ZZEF1: variants seen among roughly 807,000 people sequenced by gnomAD.
ZZEF1 encodes zinc finger ZZ-type and EF-hand domain containing 1, also known as zinc finger ZZ-type and EF-hand domain-containing protein 1.
ZZEF1 carries 157 observed loss-of-function variants against 342.8 expected under a neutral mutation model. The observed-to-expected ratio is 0.46, with a 90% CI of 0.40 to 0.52. ZZEF1 has a LOEUF of 0.52. ZZEF1 is among the 20% of genes least tolerant of loss of function. The pLI is 0.00. For missense variants in ZZEF1, 3,480 were observed against 3,725.6 expected (o/e 0.93, Z 1.72); for synonymous variants, 1,505 against 1,429.1 (o/e 1.05, Z -1.20).
At chr17:4,102,445 A>C in intron 8 of ZZEF1, 30 bp from the exon 9 acceptor site, 1 of 1,592,410 alleles carries the variant, frequency 6.3e-7, no homozygotes, top group Non-Finnish European at 8.6e-7. Context: ...ACCAAGCTGT[A>C]AGCTAAAATA....
At chr17:4,043,909 G>C (rs572114365) in intron 38 of ZZEF1, among the ~76,000 whole-genome samples, 2 of 152,326 alleles carry the variant, frequency 1.3e-5, no homozygotes, top group East Asian at 3.9e-4. Context: ...AGCCCTCCTA[G>C]ACTGTGAGCT....
chr17:4,045,172 T>C (rs1313871154), intron 37 of ZZEF1, among the ~76,000 whole-genome samples: 2 of 151,646 alleles, frequency 1.3e-5, no homozygotes, highest in African/African-American at 4.8e-5. Context: ...AATAAGATAG[T>C]AACCATTGCA....
Position 4,021,217 on chromosome 17 carries a change from T to C in ZZEF1, c.7316A>G (p.Glu2439Gly), listed in dbSNP as rs2056260442. 4 of 1,614,184 alleles carry C rather than the reference T, an allele frequency of 2.5e-6. No homozygotes were observed. The highest frequency in any genetic ancestry group is 3.4e-6 in the Non-Finnish European group (4 of 1,180,038). The part of the protein sequence containing the change: ...DERGDREEEV[E>G]RPVSSPGDPE... ...GTCGCCAGGGCTGCTGACTGGCCGT[T>C]CCACCTCTTCCTCTCGGTCCCCTCG... The change falls in exon 45 of 55, where the codon GAA becomes GGA. Residue 2439 changes from glutamate to glycine, a missense_variant. Glu to Gly is a moderately conservative substitution (Grantham distance 98). Coordinates refer to ENST00000381638, the MANE Select transcript of ZZEF1 (RefSeq NM_015113.4).
At chr17:4,066,133 C>T (rs1317664765) in intron 28 of ZZEF1, among the ~76,000 whole-genome samples, 2 of 152,084 alleles carry the variant, frequency 1.3e-5, no homozygotes, top group Non-Finnish European at 2.9e-5. Context: ...TGAACCACTG[C>T]ACTCCAGCCT....
chr17:4,107,498 C>A (rs2145463775), intron 6 of ZZEF1, among the ~76,000 whole-genome samples: 1 of 152,158 alleles, frequency 6.6e-6, no homozygotes, highest in East Asian at 1.9e-4. Context: ...GGAATGCAGG[C>A]ACCAAGTGAG....
intron 39 of ZZEF1, 42 bp downstream of exon 39, chr17:4,042,387 T>G: frequency 1.3e-6 from 2 of 1,588,020 alleles, no homozygotes; most frequent in East Asian, 2.2e-5. Context: ...CCTTCTTCTA[T>G]GCATACCACC....
chr17:4,112,502 C>T (rs971338202), intron 5 of ZZEF1, 107 bp downstream of exon 5: 19 of 1,098,140 alleles, frequency 1.7e-5, no homozygotes, highest in Non-Finnish European at 2.4e-5. Flanking sequence ...CTTTTGTGTA[C>T]GTCCTAAGAA....
chr17:4,034,740 T>C (rs1012576272), intron 39 of ZZEF1, among the ~76,000 whole-genome samples: 15 of 152,216 alleles, frequency 9.9e-5, no homozygotes, highest in Non-Finnish European at 1.8e-4. Flanking sequence ...CTCACACCTG[T>C]AATCCCAGCA....
intron 39 of ZZEF1, among the ~76,000 whole-genome samples, chr17:4,041,064 G>A (rs902851023): frequency 1.3e-5 from 2 of 152,196 alleles, no homozygotes; most frequent in Non-Finnish European, 2.9e-5. Context: ...GCCTCCAAAG[G>A]TTGGGGAGGG....
intron 16 of ZZEF1, 122 bp downstream of exon 16, chr17:4,085,548 C>T (rs2057802590): frequency 1.6e-6 from 2 of 1,225,054 alleles, no homozygotes; most frequent in Admixed American, 2.3e-5. Context: ...CAAAGCTCTG[C>T]ATATAATATT....
chr17:4,131,895 C>T (rs1014464779), intron 1 of ZZEF1, among the ~76,000 whole-genome samples: 4 of 151,962 alleles, frequency 2.6e-5, no homozygotes, highest in Non-Finnish European at 5.9e-5. Flanking sequence ...AGAATTGTAG[C>T]GGGAGGACAG....
In ZZEF1 at chr17:4,111,760, TTA is replaced by T. The variant is rs3050967; in HGVS notation, c.1066+847_1066+848del. Among the ~76,000 whole-genome samples the T allele has an allele frequency of 1.9e-3, 274 of 142,728 alleles. 1 individual carries two copies. Among genetic ancestry groups the T allele is most frequent in the African/African-American group, 6.3e-3 (247 of 39,138 alleles). 93.6% of individuals were successfully genotyped at this position (142,728 alleles called of 152,430 possible). A position where few individuals can be genotyped will look rare whatever the true frequency, so the allele number is the denominator to read the frequency against. Reference sequence around the variant, plus strand: ...ATAAAAACATATTTTATATATATGTTTATATATATATATATATTTATAATCCC... The same window carrying T: ...ATAAAAACATATTTTATATATATGTTTATATATATATATATTTATAATCCC... On this transcript the variant is annotated intron_variant, in intron 5 of 54. Coordinates refer to ENST00000381638, the MANE Select transcript of ZZEF1 (RefSeq NM_015113.4).
chr17:4,074,335 G>C lies in ZZEF1; in HGVS notation c.3500C>G (p.Ala1167Gly). The part of the protein sequence containing the change: ...DKWPKKVTFK[A>G]GPRLQFLFHS... ...AAAGAGGAACTGCAACCGAGGACCGGCCTTGAAGGTCACTTTCTAGAGACA... is the reference window on the plus strand; with the variant it reads ...AAAGAGGAACTGCAACCGAGGACCGCCCTTGAAGGTCACTTTCTAGAGACA... The change falls in exon 24 of 55, where the codon GCC becomes GGC. Residue 1167 changes from alanine to glycine, a missense_variant. By Grantham distance (60) the Ala-to-Gly change is moderately conservative (BLOSUM62 0). Transcript: ENST00000381638. 4 of 1,614,162 alleles carry C rather than the reference G, an allele frequency of 2.5e-6. No individual in the cohort carries two copies. The highest frequency in any genetic ancestry group is 3.4e-6 in the Non-Finnish European group (4 of 1,180,042).
chr17:4,078,437 T>C (rs1373393424), intron 18 of ZZEF1, among the ~76,000 whole-genome samples: 3 of 152,242 alleles, frequency 2.0e-5, no homozygotes, highest in African/African-American at 4.8e-5. Flanking sequence ...CCATCACCTT[T>C]GTTCTCAAAA....
At chr17:4,098,108 C>G (rs1173438853) in intron 9 of ZZEF1, among the ~76,000 whole-genome samples, 1 of 151,696 alleles carries the variant, frequency 6.6e-6, no homozygotes, top group Admixed American at 6.6e-5. Flanking sequence ...CGTGGTGGCA[C>G]ACACCTGTAA....
intron 9 of ZZEF1, 83 bp downstream of exon 9, chr17:4,102,234 A>G: frequency 7.8e-7 from 1 of 1,275,014 alleles, no homozygotes; most frequent in African/African-American, 1.5e-5. Context: ...CACGCCTCAA[A>G]CATTTCAAAG....
intron 10 of ZZEF1, 85 bp from the exon 11 acceptor site, chr17:4,096,064 G>A (rs1315776383): frequency 4.2e-6 from 6 of 1,412,624 alleles, no homozygotes; most frequent in Non-Finnish European, 5.7e-6. Flanking sequence ...AATTCAAACA[G>A]GTTAAAACAA....
chr17:4,062,977 A>G (rs2057316442), intron 29 of ZZEF1, 60 bp from the exon 30 acceptor site: 2 of 1,539,400 alleles, frequency 1.3e-6, no homozygotes. Flanking sequence ...GCAGACGGAA[A>G]ATATCCCCGC....
At chr17:4,013,834 T>C (rs116041383) in intron 51 of ZZEF1, among the ~76,000 whole-genome samples, 1 of 152,330 alleles carries the variant, frequency 6.6e-6, no homozygotes, top group African/African-American at 2.4e-5. Flanking sequence ...CAAAATGCCC[T>C]GGCAAATTCT....
Sources: allele counts gnomAD v4.1 joint callset (sites outside exome capture counted in the v4.1 genomes callset), GRCh38; gene constraint gnomAD v4.1.1; transcripts MANE v1.5; gene names NCBI Gene and HGNC (gene_info 2026-07-23, HGNC 2026-07-21).